F11: variants seen among roughly 807,000 people sequenced by gnomAD.
F11 encodes coagulation factor XI, also known as coagualtion factor XI.
In F11, 78 loss-of-function variants were observed where a neutral mutation model predicts 76.5. That is an observed-to-expected ratio of 1.02 (90% CI 0.85 to 1.23). F11 has a LOEUF of 1.23. Among genes scored for constraint, F11 ranks in the 50% most tolerant of loss-of-function variants. F11 has a pLI of 0.00. For missense variants in F11, 742 were observed against 771.4 expected (o/e 0.96, Z 0.45); for synonymous variants, 278 against 276.3 (o/e 1.01, Z -0.06).
At position 186,278,991 on chromosome 4, in the gene F11, C is replaced by T. The variant is rs945118273; in HGVS notation, c.756-1021C>T. 6.6e-5 allele frequency among the ~76,000 whole-genome samples: 10 copies of T among 152,098 alleles called. No homozygotes were observed. In the South Asian group the frequency reaches 2.1e-3, roughly 32 times the overall value. On this transcript the variant is annotated intron_variant, in intron 7 of 14. Coordinates refer to ENST00000403665, the MANE Select transcript of F11 (RefSeq NM_000128.4). ...GTCTTATTACCTTACTGACCAATTC[C>T]TAGAATAGGAATAACACATTTGATC...
intron 3 of F11, among the ~76,000 whole-genome samples, chr4:186,272,775 G>A (rs948656944): frequency 6.6e-6 from 1 of 152,160 alleles, no homozygotes; most frequent in Non-Finnish European, 1.5e-5. Flanking sequence ...AAATCATTTT[G>A]TATAGCTAAC....
Position 186,280,561 on chromosome 4 carries a change from G to A in F11, c.1116G>A (p.Arg372=), listed in dbSNP as rs1432809135. The change falls in exon 10 of 15, where the codon AGG becomes AGA. Residue 372 remains arginine (R), a synonymous_variant. Transcript: ENST00000403665. ...GAGGCATCTCTGGATACACATTAAG[G>A]TTGTGTAAAATGGATAATGGTGAGT... The part of the protein sequence containing the change: ...GRGGISGYTL[R]LCKMDNECTT... 3.7e-6 allele frequency: 6 copies of A among 1,613,106 alleles called. No individual in the cohort carries two copies. The highest frequency in any genetic ancestry group is 1.7e-5 in the Admixed American group (1 of 60,022).
intron 3 of F11, 126 bp downstream of exon 3, chr4:186,271,897 T>C: frequency 6.3e-6 from 7 of 1,112,062 alleles, no homozygotes; most frequent in Non-Finnish European, 9.3e-6. Context: ...TGTCTTTCAG[T>C]TGAAATATTG....
intron 1 of F11, among the ~76,000 whole-genome samples, chr4:186,266,742 G>A (rs770998231): frequency 2.0e-5 from 3 of 152,084 alleles, no homozygotes; most frequent in Admixed American, 6.6e-5. Context: ...AAAGATATAG[G>A]GAGAGGCCTC....
chr4:186,287,737 G>T lies in F11; in HGVS notation c.1630G>T (p.Glu544Ter). The T allele has an allele frequency of 6.2e-7, 1 of 1,613,676 alleles. No homozygotes were observed. The highest frequency in any genetic ancestry group is 8.5e-7 in the Non-Finnish European group (1 of 1,179,836). ...KAKIPLVTNE[E>*]CQKRYRGHKI... The stretch of plus-strand genomic sequence containing the variant: ...CAAGATACCCTTAGTGACCAACGAA[G>T]AGTGCCAGAAGAGATACAGAGGACA... Residue 544 changes from glutamate to a stop codon, truncating the protein, a stop_gained, in exon 14 of 15, where the codon GAG becomes TAG. Coordinates refer to ENST00000403665, the MANE Select transcript of F11 (RefSeq NM_000128.4). LOFTEE classifies it high-confidence loss of function.
chr4:186,289,874 G>T (rs776672644), downstream of F11, among the ~76,000 whole-genome samples: 3 of 151,996 alleles, frequency 2.0e-5, no homozygotes, highest in Non-Finnish European at 4.4e-5. Context: ...GTAGAGACGG[G>T]GTTTCACTAT....
chr4:186,280,370 C>G lies in F11; in HGVS notation c.1013C>G (p.Ser338Cys). ...QFFTYTPAQA[S>C]CNEGKGKCYL... Reference sequence around the variant, plus strand: ...TTTACCTATACCCCAGCCCAAGCATCCTGCAACGAAGGGAAGTAAGCCATA... The same window carrying G: ...TTTACCTATACCCCAGCCCAAGCATGCTGCAACGAAGGGAAGTAAGCCATA... Residue 338 changes from serine (S) to cysteine (C), a missense_variant, in exon 9 of 15, where the codon TCC (serine) becomes TGC (cysteine). By Grantham distance (112) the Ser-to-Cys change is moderately radical (BLOSUM62 -1). Transcript: ENST00000403665. 6.2e-7 allele frequency: 1 copy of G among 1,614,210 alleles called. No homozygotes were observed. The highest frequency in any genetic ancestry group is 8.5e-7 in the Non-Finnish European group (1 of 1,180,046).
At chr4:186,274,351 C>T in intron 5 of F11, 76 bp downstream of exon 5, 1 of 1,579,702 alleles carries the variant, frequency 6.3e-7, no homozygotes, top group Non-Finnish European at 8.7e-7. Context: ...TTGCCATCAA[C>T]TTTATGCCAG....
At chr4:186,285,418 G>A (rs549785380) in intron 11 of F11, among the ~76,000 whole-genome samples, 1 of 151,970 alleles carries the variant, frequency 6.6e-6, no homozygotes, top group Non-Finnish European at 1.5e-5. Context: ...GTTGGAGCAC[G>A]GAGGGAGTGC....
At chr4:186,277,172 C>T (rs1190480825) in intron 7 of F11, among the ~76,000 whole-genome samples, 1 of 152,168 alleles carries the variant, frequency 6.6e-6, no homozygotes, top group Non-Finnish European at 1.5e-5. Flanking sequence ...CTTTCTGTTT[C>T]TGAGTTGTTT....
intron 7 of F11, among the ~76,000 whole-genome samples, chr4:186,276,690 G>A (rs1008956656): frequency 1.3e-5 from 2 of 148,222 alleles, no homozygotes; most frequent in East Asian, 2.0e-4. Context: ...AGGTCCAAGC[G>A]ATTCTCCTGC....
In F11 at chr4:186,270,862, A is replaced by ATTTTT. The variant is rs34930947; in HGVS notation, c.56-736_56-732dup. On this transcript the variant is annotated intron_variant, in intron 2 of 14. Coordinates refer to ENST00000403665, the MANE Select transcript of F11 (RefSeq NM_000128.4). Reference sequence around the variant, plus strand: ...GTGGAAACAACCATGCCCAGCTAGTATTTTTTTTTTTTTTTGTATTTTTTA... The same window carrying ATTTTT: ...GTGGAAACAACCATGCCCAGCTAGTATTTTTTTTTTTTTTTTTTTTGTATTTTTTA... 1.0e-3 allele frequency among the ~76,000 whole-genome samples: 143 copies of ATTTTT among 138,306 alleles called. 1 individual carries two copies. Among genetic ancestry groups the ATTTTT allele is most frequent in the African/African-American group, 2.7e-3 (102 of 37,204 alleles). The allele number at this position is 138,306 out of a possible 152,430, so 90.7% of individuals were successfully genotyped here.
Position 186,280,240 on chromosome 4 carries a change from T to C in F11, c.883T>C (p.Phe295Leu), listed in dbSNP as rs1740696537. The change falls in exon 9 of 15, where the codon TTT becomes CTT. Residue 295 changes from phenylalanine to leucine, a missense_variant. Physicochemically the swap from Phe to Leu is conservative, Grantham distance 22. Transcript: ENST00000403665. ...HSIPVFCHSS[F>L]YHDTDFLGEE... Reference sequence around the variant, plus strand: ...CTGTCTAGTGTTCTGCCATTCTTCATTTTACCATGACACTGATTTCTTGGG... The same window carrying C: ...CTGTCTAGTGTTCTGCCATTCTTCACTTTACCATGACACTGATTTCTTGGG... 3 of 1,614,164 alleles carry C rather than the reference T, an allele frequency of 1.9e-6. No homozygotes were observed. The highest frequency in any genetic ancestry group is 1.7e-6 in the Non-Finnish European group (2 of 1,180,042).
chr4:186,288,399 A>T, intron 14 of F11, 54 bp from the exon 15 acceptor site: 1 of 1,611,234 alleles, frequency 6.2e-7, no homozygotes, highest in South Asian at 1.1e-5. Flanking sequence ...TGTGCTGAAG[A>T]TGGGAAGCGT....
rs760380712 is a variant in F11, at chr4:186,280,501, A to G, written c.1056A>G (p.Ser352=). ...GKGKCYLKLS[S]NGSPTKILHG... Reference sequence around the variant, plus strand: ...GCAAGTGTTACTTAAAGCTTTCTTCAAACGGATCTCCAACTAAAATACTTC... The same window carrying G: ...GCAAGTGTTACTTAAAGCTTTCTTCGAACGGATCTCCAACTAAAATACTTC... Residue 352 remains serine (S), a synonymous_variant, in exon 10 of 15, where the codon TCA becomes TCG. Transcript: ENST00000403665. 2.3e-5 allele frequency: 37 copies of G among 1,614,128 alleles called. No homozygotes were observed. The Middle Eastern group carries it at 1.3e-3, about 57-fold the overall frequency.
chr4:186,290,540 A>G (rs1183506527), downstream of F11, among the ~76,000 whole-genome samples: 1 of 152,256 alleles, frequency 6.6e-6, no homozygotes, highest in African/African-American at 2.4e-5. Context: ...ATGTTTCTGT[A>G]AAGTCTTTCC....
In F11 at chr4:186,267,001, A is replaced by G. The variant is rs1291270691; in HGVS notation, c.-1-135A>G. 18 of 687,554 alleles carry G rather than the reference A, an allele frequency of 2.6e-5. No homozygotes were observed. In the Middle Eastern group the frequency reaches 1.2e-3, roughly 44 times the overall value. 42.6% of individuals were successfully genotyped at this position (687,554 alleles called of 1,614,324 possible). A position where few individuals can be genotyped will look rare whatever the true frequency, so the allele number is the denominator to read the frequency against. On this transcript the variant is annotated intron_variant, in intron 1 of 14. Transcript: ENST00000403665. ...GGATTGGGAAAGAAAATTCAACATT[A>G]TAATGAGAACACTGTGAATGCTATT...
At chr4:186,273,502 G>A (rs1255658643) in intron 4 of F11, among the ~76,000 whole-genome samples, 2 of 151,904 alleles carry the variant, frequency 1.3e-5, no homozygotes, top group Admixed American at 6.6e-5. Context: ...GTCCAGGCTG[G>A]AGTGCAGTGG....
intron 10 of F11, 55 bp downstream of exon 10, chr4:186,280,635 T>C (rs1432190527): frequency 1.5e-6 from 2 of 1,348,676 alleles, no homozygotes; most frequent in African/African-American, 1.4e-5. Flanking sequence ...CCATGCTTCA[T>C]ACATCACAAT....
Sources: allele counts gnomAD v4.1 joint callset (sites outside exome capture counted in the v4.1 genomes callset), GRCh38; gene constraint gnomAD v4.1.1; transcripts MANE v1.5; gene names NCBI Gene and HGNC (gene_info 2026-07-23, HGNC 2026-07-21).